The following NRBP1 variants were observed in gnomAD, a reference collection of about 807,000 sequenced individuals.
The protein encoded by NRBP1 is nuclear receptor-binding protein.
Under a neutral mutation model 76.0 loss-of-function variants are expected in NRBP1, and 10 were observed. The ratio of observed to expected loss-of-function variants is 0.13; its 90% CI spans 0.08 to 0.22. The LOEUF is 0.22. NRBP1 is among the 10% of genes least tolerant of loss of function. The pLI is 1.00. For missense variants in NRBP1, 344 were observed against 646.0 expected (o/e 0.53, Z 5.07); for synonymous variants, 235 against 240.2 (o/e 0.98, Z 0.20).
intron 16 of NRBP1, 29 bp from the exon 17 acceptor site, chr2:27,441,538 G>A (rs2148456375): frequency 1.2e-6 from 2 of 1,613,454 alleles, no homozygotes; most frequent in East Asian, 2.2e-5. Flanking sequence ...GTCCCGTACT[G>A]TACTCACCCC....
intron 8 of NRBP1, 40 bp from the exon 9 acceptor site, chr2:27,437,007 C>G (rs1396162101): frequency 3.1e-6 from 5 of 1,595,398 alleles, no homozygotes; most frequent in Non-Finnish European, 4.3e-6. Context: ...CCCTAGCCCC[C>G]AATCCTCTGA....
intron 10 of NRBP1, among the ~76,000 whole-genome samples, chr2:27,437,873 A>G (rs977736043): frequency 6.7e-6 from 1 of 149,058 alleles, no homozygotes; most frequent in Admixed American, 6.7e-5. Context: ...ACTCCGTCTC[A>G]GAAAAAAAGA....
chr2:27,434,422 G>T, intron 4 of NRBP1, 49 bp from the exon 5 acceptor site: 2 of 1,228,340 alleles, frequency 1.6e-6, no homozygotes, highest in South Asian at 1.2e-5. Context: ...AACAAGGGAA[G>T]GGATCATTTC....
chr2:27,434,962 C>T lies in NRBP1; in HGVS notation c.567-171C>T, dbSNP rs1664249700. On this transcript the variant is annotated intron_variant, in intron 6 of 17. Coordinates refer to ENST00000379852, the MANE Select transcript of NRBP1 (RefSeq NM_013392.4). ...CACGACACTTATCTCCTACCTCTTT[C>T]TCCTAGTGCTTATCCAGCTATTTAA... The T allele has an allele frequency of 7.6e-6, 5 of 661,910 alleles. No homozygotes were observed. In the South Asian group the frequency reaches 9.1e-5, roughly 12 times the overall value. 41.0% of individuals were successfully genotyped at this position (661,910 alleles called of 1,614,324 possible).
At chr2:27,431,293 C>A (rs1188931870) in intron 1 of NRBP1, among the ~76,000 whole-genome samples, 2 of 152,174 alleles carry the variant, frequency 1.3e-5, no homozygotes, top group African/African-American at 4.8e-5. Flanking sequence ...GAGTGAGACT[C>A]CATCCCCTCT....
In NRBP1 at chr2:27,436,095, G is replaced by T. The variant is rs566576978; in HGVS notation, c.662-658G>T. On this transcript the variant is annotated intron_variant, in intron 7 of 17. Transcript: ENST00000379852. ...GGGCCTGGTCCTGGTTCCTCGTTCA[G>T]CTCTGTGGCAGACAGTGTTGAGGAA... The T allele has an allele frequency of 3.6e-5, 15 of 420,544 alleles. No individual in the cohort carries two copies. The South Asian group carries it at 3.9e-4, about 11-fold the overall frequency. 26.1% of individuals were successfully genotyped at this position (420,544 alleles called of 1,614,324 possible).
At chr2:27,440,348 T>C in intron 11 of NRBP1, 55 bp from the exon 12 acceptor site, 1 of 1,245,490 alleles carries the variant, frequency 8.0e-7, no homozygotes, top group East Asian at 2.3e-5. Flanking sequence ...CATGCCTTCT[T>C]TGACATTTAA....
At chr2:27,433,590 T>C (rs1664190252) in intron 2 of NRBP1, 83 bp from the exon 3 acceptor site, 1 of 1,604,242 alleles carries the variant, frequency 6.2e-7, no homozygotes, top group Non-Finnish European at 8.5e-7. Flanking sequence ...GGTTGGGGGC[T>C]AGGAGGAGAT....
In NRBP1 at chr2:27,435,243, G is replaced by A. The variant is rs1385235466; in HGVS notation, c.661+16G>A. 2 of 1,609,266 alleles carry A rather than the reference G, an allele frequency of 1.2e-6. No homozygotes were observed. Among genetic ancestry groups the A allele is most frequent in the Admixed American group, 1.7e-5 (1 of 59,710 alleles). On this transcript the variant is annotated intron_variant, in intron 7 of 17. Coordinates refer to ENST00000379852, the MANE Select transcript of NRBP1 (RefSeq NM_013392.4). ...ATTGGCTCTGGTGAGGGGAGGGAGA[G>A]GTTCTGGGCAGGGGAGCCTCGGGAA...
upstream of NRBP1, chr2:27,428,595 T>C: frequency 2.6e-6 from 1 of 391,474 alleles, no homozygotes; most frequent in Non-Finnish European, 4.5e-6. Context: ...CCGCCCATCG[T>C]TGGTCCGGGC....
chr2:27,437,742 G>A (rs1226708061), intron 10 of NRBP1, among the ~76,000 whole-genome samples: 10 of 151,770 alleles, frequency 6.6e-5, no homozygotes, highest in Non-Finnish European at 1.0e-4. Context: ...GCTTGGTGGC[G>A]GGAGCCTGTA....
rs892740436 is a variant in NRBP1, at chr2:27,433,583, T to TG, written c.211-85dup. The TG allele has an allele frequency of 2.2e-5, 36 of 1,603,678 alleles. No homozygotes were observed. The African/African-American group carries it at 4.0e-4, about 18-fold the overall frequency. ...AGAGGCCAACCAAACTTCAATAGGT[T>TG]GGGGGCTAGGAGGAGATGATCATAT... On this transcript the variant is annotated intron_variant, in intron 2 of 17. Coordinates refer to ENST00000379852, the MANE Select transcript of NRBP1 (RefSeq NM_013392.4).
intron 16 of NRBP1, 34 bp from the exon 17 acceptor site, chr2:27,441,533 G>C (rs548338942): frequency 6.2e-7 from 1 of 1,612,286 alleles, no homozygotes; most frequent in Admixed American, 1.7e-5. Context: ...CCTCAGTCCC[G>C]TACTGTACTC....
intron 10 of NRBP1, 115 bp downstream of exon 10, chr2:27,437,475 G>A (rs912152855): frequency 4.0e-6 from 3 of 751,784 alleles, no homozygotes; most frequent in Middle Eastern, 5.4e-4. Flanking sequence ...TAACAGAAAG[G>A]ACACGAAAAA....
At chr2:27,427,873 T>C (rs1663928114), upstream of NRBP1, 3 of 152,178 alleles carry the variant, frequency 2.0e-5, no homozygotes, top group South Asian at 6.2e-4. Context: ...CACCAAGAAT[T>C]TATCATCTTT....
At position 27,441,993 on chromosome 2, in the gene NRBP1, C is replaced by T; in HGVS notation, c.*181C>T. 3.4e-6 allele frequency: 2 copies of T among 584,210 alleles called. No individual in the cohort carries two copies. Among genetic ancestry groups the T allele is most frequent in the Non-Finnish European group, 6.1e-6 (2 of 330,006 alleles). 36.2% of individuals were successfully genotyped at this position (584,210 alleles called of 1,614,324 possible). A position where few individuals can be genotyped will look rare whatever the true frequency, so the allele number is the denominator to read the frequency against. ...TCCTTTCCCCTCCCCTCTCTTCCTC[C>T]CCTCTGCACTTTGTTTACTTGTTTT... is the stretch of plus-strand genomic sequence containing the variant. On this transcript the variant is annotated 3_prime_UTR_variant, in exon 18 of 18. Transcript: ENST00000379852.
chr2:27,428,401 G>C, upstream of NRBP1: 1 of 366,764 alleles, frequency 2.7e-6, no homozygotes, highest in Non-Finnish European at 4.9e-6. Flanking sequence ...ACCTGGACCG[G>C]GCGGTGGGGT....
In NRBP1 at chr2:27,430,792, C is replaced by G. The variant is rs576519233; in HGVS notation, c.-21+2061C>G. ...TCTCTTTCATACTGTAGAGAACTCT[C>G]TTGAGCTGAGCACACACAGGTTCCA... is the stretch of plus-strand genomic sequence containing the variant. On this transcript the variant is annotated intron_variant, in intron 1 of 17. Coordinates refer to ENST00000379852, the MANE Select transcript of NRBP1 (RefSeq NM_013392.4). Among the ~76,000 whole-genome samples, 9 of 152,052 alleles carry G rather than the reference C, an allele frequency of 5.9e-5. No homozygotes were observed. The East Asian group carries it at 1.7e-3, about 30-fold the overall frequency.
chr2:27,433,883 G>T, intron 3 of NRBP1, 88 bp downstream of exon 3: 1 of 1,606,804 alleles, frequency 6.2e-7, no homozygotes, highest in Non-Finnish European at 8.5e-7. Context: ...CCCGTGAGGA[G>T]AGTATGTTGG....
Sources: gnomAD v4.1 joint callset for allele counts (sites outside exome capture counted in the v4.1 genomes callset) on GRCh38, gnomAD v4.1.1 for gene constraint, MANE v1.5 for transcripts, NCBI Gene and HGNC (gene_info 2026-07-23, HGNC 2026-07-21) for gene names.